The following HHAT variants were observed in gnomAD, a reference collection of about 807,000 sequenced individuals.
HHAT encodes hedgehog acyltransferase.
HHAT carries 47 observed loss-of-function variants against 70.8 expected under a neutral mutation model. The observed-to-expected ratio is 0.66, with a 90% CI of 0.53 to 0.85. The LOEUF (loss-of-function observed/expected upper bound fraction) is 0.85, where lower values mean the gene tolerates loss of function less well. Among genes scored for constraint, HHAT ranks in the 40% least tolerant of loss-of-function variants. The pLI is 0.00. For missense variants in HHAT, 609 were observed against 604.8 expected, an observed-to-expected ratio of 1.01 and a Z score of -0.07; for synonymous variants, 228 against 247.6, an observed-to-expected ratio of 0.92 and a Z score of 0.74.
intron 7 of HHAT, among the ~76,000 whole-genome samples, chr1:210,450,884 CA>C (rs1269376821): frequency 6.6e-6 from 1 of 151,726 alleles, no homozygotes; most frequent in Non-Finnish European, 1.5e-5. Flanking sequence ...AGATCGAGAC[CA>C]TCCTGGCTAA....
chr1:210,398,055 A>G (rs940377035), intron 4 of HHAT, among the ~76,000 whole-genome samples: 10 of 152,218 alleles, frequency 6.6e-5, no homozygotes, highest in Admixed American at 2.0e-4. Flanking sequence ...CTGGAGCGCA[A>G]TGGCGCGATC....
At chr1:210,672,002 C>T (rs1439617604) in intron 11 of HHAT, among the ~76,000 whole-genome samples, 1 of 152,206 alleles carries the variant, frequency 6.6e-6, no homozygotes, top group Non-Finnish European at 1.5e-5. Context: ...TCTGTGCCCT[C>T]CCACCGTTAC....
intron 1 of HHAT, among the ~76,000 whole-genome samples, chr1:210,334,867 T>A (rs1242762840): frequency 6.6e-6 from 1 of 152,004 alleles, no homozygotes; most frequent in Non-Finnish European, 1.5e-5. Context: ...GTTTTTCCAA[T>A]AAAATATATT....
chr1:210,640,874 T>C (rs908104657), intron 11 of HHAT, among the ~76,000 whole-genome samples: 5 of 152,300 alleles, frequency 3.3e-5, no homozygotes, highest in Admixed American at 6.5e-5. Context: ...TCCTATGATA[T>C]AGATTGAACT....
intron 9 of HHAT, among the ~76,000 whole-genome samples, chr1:210,528,948 G>T (rs760011255): frequency 6.6e-6 from 1 of 152,136 alleles, no homozygotes; most frequent in Non-Finnish European, 1.5e-5. Context: ...TTGGAACCTT[G>T]GGGATAGTTT....
chr1:210,594,950 G>T (rs10746429), intron 10 of HHAT, among the ~76,000 whole-genome samples: 1 of 151,370 alleles, frequency 6.6e-6, no homozygotes. Flanking sequence ...CTTTGCTCTC[G>T]TTGCTTTTCA....
In HHAT at chr1:210,365,646, C is replaced by T. The variant is rs753949748; in HGVS notation, c.159+2727C>T. ...ATTTTATTTTGTTGAGATAGGGTCT[C>T]GCTCTGTAACCCAGGCTGGAGTGCA... On this transcript the variant is annotated intron_variant, in intron 3 of 11. Coordinates refer to ENST00000261458, the MANE Select transcript of HHAT (RefSeq NM_018194.6). Among the ~76,000 whole-genome samples the T allele has an allele frequency of 3.3e-5, 5 of 150,370 alleles. No individual in the cohort carries two copies. In the East Asian group the frequency reaches 5.9e-4, roughly 18 times the overall value.
chr1:210,328,872 G>T (rs945500435), upstream of HHAT: 7 of 496,060 alleles, frequency 1.4e-5, no homozygotes, highest in Admixed American at 2.7e-4. Context: ...GAGCGCCGCG[G>T]GTTCCCGAGT....
upstream of HHAT, chr1:210,328,853 T>A (rs986843751): frequency 2.1e-5 from 9 of 438,914 alleles, no homozygotes; most frequent in Admixed American, 4.5e-5. Flanking sequence ...CTGCTCGCCA[T>A]CGCCCGGAGA....
chr1:210,381,032 T>G (rs977780561), intron 3 of HHAT, among the ~76,000 whole-genome samples: 1 of 151,976 alleles, frequency 6.6e-6, no homozygotes, highest in Non-Finnish European at 1.5e-5. Flanking sequence ...TGGTGCTGTG[T>G]AGGGAGCATG....
At chr1:210,668,812 C>T (rs767409740) in intron 11 of HHAT, among the ~76,000 whole-genome samples, 2 of 152,110 alleles carry the variant, frequency 1.3e-5, no homozygotes, top group Non-Finnish European at 2.9e-5. Flanking sequence ...CTCGCACTGT[C>T]ACCCAGGCTG....
At chr1:210,388,288 T>G (rs939301977) in intron 4 of HHAT, among the ~76,000 whole-genome samples, 3 of 152,168 alleles carry the variant, frequency 2.0e-5, no homozygotes, top group African/African-American at 7.2e-5. Flanking sequence ...AAAACCTGAT[T>G]TGGAAGTCAA....
At chr1:210,508,313 A>C (rs577718150) in intron 8 of HHAT, among the ~76,000 whole-genome samples, 1 of 152,156 alleles carries the variant, frequency 6.6e-6, no homozygotes, top group African/African-American at 2.4e-5. Flanking sequence ...ATGATTCTGA[A>C]GAAGCTGCAA....
At chr1:210,396,455 A>T (rs1392519516) in intron 4 of HHAT, among the ~76,000 whole-genome samples, 1 of 152,260 alleles carries the variant, frequency 6.6e-6, no homozygotes, top group Non-Finnish European at 1.5e-5. Context: ...GCTGGCAAGG[A>T]TGTGAATAAA....
chr1:210,454,246 A>T (rs1209582903), intron 7 of HHAT, among the ~76,000 whole-genome samples: 1 of 152,024 alleles, frequency 6.6e-6, no homozygotes. Context: ...ATTTTCAGAC[A>T]TTTTGCCCTG....
chr1:210,658,829 G>A (rs1328871548), intron 11 of HHAT, among the ~76,000 whole-genome samples: 1 of 152,184 alleles, frequency 6.6e-6, no homozygotes, highest in Non-Finnish European at 1.5e-5. Flanking sequence ...ACTTGCTCCC[G>A]AATGACTACT....
chr1:210,389,821 G>A (rs546690599), intron 4 of HHAT, among the ~76,000 whole-genome samples: 13 of 152,262 alleles, frequency 8.5e-5, no homozygotes, highest in Admixed American at 2.6e-4. Context: ...ATTAATGAGG[G>A]CAGAGCTCTC....
chr1:210,525,966 T>C (rs955713471), intron 9 of HHAT, among the ~76,000 whole-genome samples: 1 of 152,228 alleles, frequency 6.6e-6, no homozygotes, highest in African/African-American at 2.4e-5. Flanking sequence ...GCGTGCGCGA[T>C]CTTTCTGCCT....
intron 2 of HHAT, among the ~76,000 whole-genome samples, chr1:210,351,297 G>T (rs1341185026): frequency 6.6e-6 from 1 of 152,116 alleles, no homozygotes; most frequent in Admixed American, 6.5e-5. Context: ...ATTGGATGGT[G>T]CCCACCTGCA....
Sources: gnomAD v4.1 joint callset for allele counts (sites outside exome capture counted in the v4.1 genomes callset) on GRCh38, gnomAD v4.1.1 for gene constraint, MANE v1.5 for transcripts, NCBI Gene and HGNC (gene_info 2026-07-23, HGNC 2026-07-21) for gene names.